The following SCN9A variants were observed in gnomAD, a reference collection of about 807,000 sequenced individuals.
SCN9A encodes the protein sodium channel protein type 9 subunit alpha.
A neutral mutation model predicts 187.0 loss-of-function variants in SCN9A; 131 were observed. That is an observed-to-expected ratio of 0.70 (90% CI 0.61 to 0.81). SCN9A has a LOEUF of 0.81. SCN9A is among the 30% of genes least tolerant of loss of function. The pLI is 0.00. For synonymous variants in SCN9A, 809 were observed against 808.6 expected (o/e 1.00, Z -0.01); for missense variants, 2,252 against 2,396.6 (o/e 0.94, Z 1.26).
intron 7 of SCN9A, chr2:166,301,350 A>G (rs1468940969): frequency 1.3e-5 from 2 of 150,556 alleles, no homozygotes; most frequent in African/African-American, 5.0e-5. Flanking sequence ...GATTTATCAG[A>G]CAATGTCCAC....
At chr2:166,277,597 TATC>T in intron 15 of SCN9A, 1 of 360,990 alleles carries the variant, frequency 2.8e-6, no homozygotes, top group Non-Finnish European at 5.0e-6. Context: ...AGAAACCTCT[TATC>T]ATAATTTGTG....
intron 21 of SCN9A, among the ~76,000 whole-genome samples, chr2:166,229,766 T>C (rs995163624): frequency 2.6e-5 from 4 of 152,244 alleles, no homozygotes; most frequent in Non-Finnish European, 5.9e-5. Context: ...TCAGCATTTG[T>C]ACTGCTATTG....
chr2:166,373,636 G>A (rs1293329460), intron 1 of SCN9A, among the ~76,000 whole-genome samples: 1 of 152,102 alleles, frequency 6.6e-6, no homozygotes, highest in Admixed American at 6.6e-5. Context: ...AATCAAAGGT[G>A]ATTTCAATAC....
chr2:166,244,536 TTTTA>T (rs1342266119), intron 18 of SCN9A, among the ~76,000 whole-genome samples: 1 of 152,100 alleles, frequency 6.6e-6, no homozygotes, highest in African/African-American at 2.4e-5. Context: ...TTTTACTGTA[TTTTA>T]TTTGTCTATT....
At chr2:166,213,441 T>A (rs1019159437) in intron 24 of SCN9A, among the ~76,000 whole-genome samples, 2 of 142,736 alleles carry the variant, frequency 1.4e-5, no homozygotes, top group African/African-American at 2.6e-5. Flanking sequence ...ATAGAATAAC[T>A]GAATAGACAA....
intron 1 of SCN9A, among the ~76,000 whole-genome samples, chr2:166,340,572 TTCTTTCTTTC>T (rs1559051026): frequency 2.7e-5 from 3 of 109,652 alleles, no homozygotes; most frequent in Non-Finnish European, 3.7e-5. Context: ...CTTTCTTTCT[TTCTTTCTTTC>T]TTTCTTTCTT....
intron 1 of SCN9A, among the ~76,000 whole-genome samples, chr2:166,359,863 A>G (rs1700235372): frequency 6.6e-6 from 1 of 151,570 alleles, no homozygotes; most frequent in Admixed American, 6.6e-5. Flanking sequence ...TTATTATTTT[A>G]TTATTAAGAT....
At chr2:166,368,909 C>T (rs1208477941) in intron 1 of SCN9A, among the ~76,000 whole-genome samples, 3 of 150,776 alleles carry the variant, frequency 2.0e-5, no homozygotes, top group African/African-American at 7.3e-5. Context: ...ATTGCTTGAA[C>T]CTGGGAGGCG....
chr2:166,330,993 T>G (rs1364474390), intron 1 of SCN9A, among the ~76,000 whole-genome samples: 1 of 151,580 alleles, frequency 6.6e-6, no homozygotes, highest in African/African-American at 2.4e-5. Flanking sequence ...GGGGAGGAGG[T>G]TGAGAAAAAA....
chr2:166,284,740 C>A lies in SCN9A; in HGVS notation c.1687G>T (p.Asp563Tyr). ...GCAAATTCAGTCTCAGATCCTATATCTCTTCCTCTGCCTTTGAAACTAAAA... is the reference window on the plus strand; with the variant it reads ...GCAAATTCAGTCTCAGATCCTATATATCTTCCTCTGCCTTTGAAACTAAAA... ...SLFSFKGRGR[D>Y]IGSETEFADD... The change falls in exon 12 of 27, where the codon GAT (aspartate) becomes TAT (tyrosine). Residue 563 changes from aspartate (D) to tyrosine (Y), a missense_variant. Around this residue, in one of 7 missense-constraint regions of SCN9A, gnomAD observed 1,013 missense variants for 997.4 expected, o/e 1.02. Transcript: ENST00000642356. The A allele has an allele frequency of 3.1e-6, 5 of 1,613,962 alleles. No individual in the cohort carries two copies. Among genetic ancestry groups the A allele is most frequent in the Non-Finnish European group, 4.2e-6 (5 of 1,179,890 alleles).
intron 7 of SCN9A, among the ~76,000 whole-genome samples, chr2:166,298,141 AC>A (rs771057840): frequency 6.8e-4 from 104 of 152,098 alleles, no homozygotes; most frequent in Non-Finnish European, 1.3e-3. Flanking sequence ...TGCACATGAT[AC>A]TCTACACTCT....
Position 166,316,680 on chromosome 2 carries a change from C to T in SCN9A, c.-50-4874G>A, listed in dbSNP as rs569926252. Among the ~76,000 whole-genome samples the T allele has an allele frequency of 1.2e-4, 18 of 152,268 alleles. No individual in the cohort carries two copies. In the South Asian group the frequency reaches 1.9e-3, roughly 16 times the overall value. On this transcript the variant is annotated intron_variant, in intron 1 of 26. Coordinates refer to ENST00000642356, the MANE Select transcript of SCN9A (RefSeq NM_001365536.1). The stretch of plus-strand genomic sequence containing the variant: ...CTGCACTCCAGCCTGGGCAATAGAG[C>T]GAGACTCCGTCTCAAATAAATAAAT...
In SCN9A at chr2:166,305,812, A is replaced by G. The variant is rs762966087; in HGVS notation, c.576T>C (p.Asp192=). The change falls in exon 5 of 27, where the codon GAT becomes GAC. Residue 192 remains aspartate, a synonymous_variant. Transcript: ENST00000642356. ...TFLRDPWNWL[D]FVVIVFAYLT... is the part of the protein sequence containing the mutation. ...CTTACGCAAAAACAATGACGACAAA[A>G]TCCAGCCAGTTCCACGGGTCACGAA... 57 of 1,613,400 alleles carry G rather than the reference A, an allele frequency of 3.5e-5. No homozygotes were observed. Among genetic ancestry groups the G allele is most frequent in the Non-Finnish European group, 4.7e-5 (55 of 1,179,598 alleles).
intron 2 of SCN9A, among the ~76,000 whole-genome samples, chr2:166,307,481 AG>A (rs1472874227): frequency 6.6e-6 from 1 of 152,224 alleles, no homozygotes; most frequent in Non-Finnish European, 1.5e-5. Flanking sequence ...TAAAACCTTG[AG>A]AATTTTAATA....
At chr2:166,290,718 A>T (rs1698024873) in intron 9 of SCN9A, among the ~76,000 whole-genome samples, 2 of 152,080 alleles carry the variant, frequency 1.3e-5, no homozygotes, top group South Asian at 2.1e-4. Context: ...TCTTCTTTTG[A>T]GAAGTCTCTG....
In SCN9A at chr2:166,284,749, T is replaced by C; in HGVS notation, c.1678A>G (p.Arg560Gly). Residue 560 changes from arginine to glycine, a missense_variant, in exon 12 of 27, where the codon AGA becomes GGA. This residue lies in a region of SCN9A where 1,013 missense variants were observed against 997.4 expected (regional missense o/e 1.02). Transcript: ENST00000642356. ...GTCTCAGATCCTATATCTCTTCCTC[T>C]GCCTTTGAAACTAAAAAGACTTGTT... Reference protein sequence around the residue: ...SRTSLFSFKGRGRDIGSETEF... With the variant: ...SRTSLFSFKGGGRDIGSETEF... The C allele has an allele frequency of 6.2e-7, 1 of 1,613,878 alleles. No individual in the cohort carries two copies. Among genetic ancestry groups the C allele is most frequent in the South Asian group, 1.1e-5 (1 of 91,080 alleles).
At chr2:166,232,770 G>T (rs1695140978) in intron 21 of SCN9A, among the ~76,000 whole-genome samples, 1 of 147,882 alleles carries the variant, frequency 6.8e-6, no homozygotes. Flanking sequence ...GAGAGAGTAT[G>T]CATATATATA....
intron 17 of SCN9A, among the ~76,000 whole-genome samples, chr2:166,256,013 G>T (rs2106433597): frequency 6.6e-6 from 1 of 151,380 alleles, no homozygotes; most frequent in South Asian, 2.1e-4. Flanking sequence ...AAGGATCAAA[G>T]GATCCTTTGA....
intron 3 of SCN9A, 140 bp downstream of exon 3, chr2:166,306,816 A>C: frequency 1.6e-6 from 1 of 641,250 alleles, no homozygotes; most frequent in Non-Finnish European, 2.8e-6. Flanking sequence ...ACCCATGACA[A>C]ATTATATTAA....
Sources: gnomAD v4.1 joint callset for allele counts (sites outside exome capture counted in the v4.1 genomes callset) on GRCh38, gnomAD v4.1.1 for gene constraint, gnomAD v4.1.1 regional missense constraint, MANE v1.5 for transcripts, NCBI Gene and HGNC (gene_info 2026-07-23, HGNC 2026-07-21) for gene names.